Variants in SYTL5 observed in about 807,000 individuals in gnomAD.
SYTL5 encodes the protein synaptotagmin like 5.
SYTL5 carries 34 observed loss-of-function variants against 55.9 expected under a neutral mutation model. The observed-to-expected ratio is 0.61, with a 90% CI of 0.46 to 0.81. The LOEUF is 0.81. Ranked by LOEUF, SYTL5 falls within the 30% of genes least tolerant of loss-of-function variation. SYTL5 has a pLI of 0.00. For missense variants in SYTL5, 637 were observed against 546.7 expected (o/e 1.17, Z -1.65); for synonymous variants, 221 against 188.7 (o/e 1.17, Z -1.40).
chrX:37,951,928 G>T, the SYTL5 span, among the ~76,000 whole-genome samples: 2 of 111,414 alleles, frequency 1.8e-5, no homozygotes, highest in African/African-American at 6.5e-5. Flanking sequence ...GACACAAGGA[G>T]ACCAGGCAAA....
chrX:37,986,482 G>C, the SYTL5 span, among the ~76,000 whole-genome samples: 1 of 112,144 alleles, frequency 8.9e-6, no homozygotes, highest in Admixed American at 9.4e-5. Context: ...TAACATAACC[G>C]ATTAGGTCAG....
At chrX:38,054,609 TGTGAGAGAGA>T (rs1935726045) in intron 3 of SYTL5, among the ~76,000 whole-genome samples, 187 bp downstream of exon 3, 3 of 60,942 alleles carry the variant, frequency 4.9e-5, no homozygotes, top group African/African-American at 3.2e-4. Flanking sequence ...TGTGTGTGTA[TGTGAGAGAGA>T]GAGAGAGAGA....
At chrX:37,898,463 T>C in the SYTL5 span, among the ~76,000 whole-genome samples, 4 of 112,064 alleles carry the variant, frequency 3.6e-5, no homozygotes, top group Middle Eastern at 4.2e-3. Context: ...GTTTTTTGAG[T>C]CTGTGGAACC....
intron 1 of SYTL5, among the ~76,000 whole-genome samples, chrX:38,019,691 G>A (rs12388014): frequency 0.019 from 2,134 of 111,092 alleles, 61 homozygotes; most frequent in African/African-American, 0.065. Context: ...GTGCAGTGGC[G>A]TGTTCTTGGC....
At chrX:38,041,182 T>G (rs1372806314) in intron 2 of SYTL5, among the ~76,000 whole-genome samples, 1 of 111,966 alleles carries the variant, frequency 8.9e-6, no homozygotes. Context: ...GCATTCAAAT[T>G]GCTTATTTGG....
intron 2 of SYTL5, among the ~76,000 whole-genome samples, chrX:38,045,682 CT>C (rs1935440139): frequency 8.9e-6 from 1 of 112,390 alleles, no homozygotes; most frequent in South Asian, 3.6e-4. Context: ...TCTTTTACTC[CT>C]TCTTCTTGTT....
At chrX:37,966,940 A>C in the SYTL5 span, among the ~76,000 whole-genome samples, 3,729 of 111,629 alleles carry the variant, frequency 0.033, 64 homozygotes, top group African/African-American at 0.068. Flanking sequence ...CATTTTTTGT[A>C]AGGCATGTCT....
Position 38,073,696 on chromosome X carries a change from G to C in SYTL5, c.552G>C (p.Lys184Asn). The change falls in exon 5 of 17, where the codon AAG becomes AAC. Residue 184 changes from lysine (K) to asparagine (N), a missense_variant and splice_region_variant. By Grantham distance (94) the Lys-to-Asn change is moderately conservative (BLOSUM62 0). Coordinates refer to ENST00000297875, the MANE Select transcript of SYTL5 (RefSeq NM_138780.3). ...CCAGCCATGATGGGCCCAAGAGAAA[G>C]GGGTAAGACATGGTCTTTCTGAGGG... ...KKASHDGPKR[K>N]GFLLSKFRSA... The C allele has an allele frequency of 6.9e-6, 8 of 1,161,037 alleles. No homozygotes were observed. Among genetic ancestry groups the C allele is most frequent in the Non-Finnish European group, 9.3e-6 (8 of 859,778 alleles).
chrX:38,118,896 A>G (rs891210882), intron 13 of SYTL5, among the ~76,000 whole-genome samples: 1 of 101,118 alleles, frequency 9.9e-6, no homozygotes, highest in Non-Finnish European at 1.9e-5. Flanking sequence ...CTGGGACTAC[A>G]GGTGCATGCC....
intron 6 of SYTL5, among the ~76,000 whole-genome samples, chrX:38,081,217 C>T (rs190428153): frequency 2.7e-5 from 3 of 111,041 alleles, no homozygotes; most frequent in East Asian, 2.8e-4. Context: ...TTAGGAGGAG[C>T]GAGGGGTGGG....
At chrX:37,922,697 A>G in the SYTL5 span, among the ~76,000 whole-genome samples, 2 of 111,463 alleles carry the variant, frequency 1.8e-5, no homozygotes, top group African/African-American at 6.5e-5. Flanking sequence ...GAGGGGCTGC[A>G]TTACCTCTCC....
chrX:38,106,166 T>C (rs779847178), intron 10 of SYTL5, among the ~76,000 whole-genome samples: 1 of 111,875 alleles, frequency 8.9e-6, no homozygotes, highest in Non-Finnish European at 1.9e-5. Context: ...GCACAGAATA[T>C]GAGATAAGCT....
At chrX:37,937,612 C>T in the SYTL5 span, among the ~76,000 whole-genome samples, 1 of 112,271 alleles carries the variant, frequency 8.9e-6, no homozygotes, top group East Asian at 2.8e-4. Flanking sequence ...AATCTAGCCA[C>T]GTCCACCCAG....
At chrX:38,001,319 A>C in the SYTL5 span, among the ~76,000 whole-genome samples, 1 of 112,035 alleles carries the variant, frequency 8.9e-6, no homozygotes, top group Non-Finnish European at 1.9e-5. Context: ...TGTACAATTA[A>C]ATTATTTTGG....
the SYTL5 span, among the ~76,000 whole-genome samples, chrX:37,957,805 T>C: frequency 8.9e-6 from 1 of 112,702 alleles, no homozygotes; most frequent in African/African-American, 3.2e-5. Flanking sequence ...CTGTAAATAA[T>C]GCCATTTGAA....
the SYTL5 span, among the ~76,000 whole-genome samples, chrX:37,937,262 C>G: frequency 9.1e-6 from 1 of 110,247 alleles, no homozygotes; most frequent in Non-Finnish European, 1.9e-5. Flanking sequence ...GTAGCCTAAT[C>G]TAAACACATG....
chrX:38,007,176 G>C (rs768914786), intron 1 of SYTL5, among the ~76,000 whole-genome samples: 26 of 111,370 alleles, frequency 2.3e-4, no homozygotes, highest in Non-Finnish European at 4.5e-4. Flanking sequence ...TTTACATTCA[G>C]TTCCATTTTT....
At chrX:38,020,408 CATATATATATATAT>C (rs59575156) in intron 1 of SYTL5, among the ~76,000 whole-genome samples, 751 of 58,569 alleles carry the variant, frequency 0.013, 5 homozygotes, top group Non-Finnish European at 0.019. Flanking sequence ...TATGTGTGTG[CATATATATATATAT>C]ATATATATAT....
At chrX:38,066,649 C>T (rs1936108006) in intron 3 of SYTL5, among the ~76,000 whole-genome samples, 2 of 111,418 alleles carry the variant, frequency 1.8e-5, no homozygotes, top group African/African-American at 3.3e-5. Context: ...AACACACAAA[C>T]ATGCACACGC....
Sources: allele counts gnomAD v4.1 joint callset (sites outside exome capture counted in the v4.1 genomes callset), GRCh38; gene constraint gnomAD v4.1.1; transcripts MANE v1.5; gene names NCBI Gene and HGNC (gene_info 2026-07-23, HGNC 2026-07-21).